Variants in ANTXR1 observed in about 807,000 individuals in gnomAD.
ANTXR1 encodes the protein ANTXR cell adhesion molecule 1.
A neutral mutation model predicts 78.1 loss-of-function variants in ANTXR1; 19 were observed. That is an observed-to-expected ratio of 0.24 (90% CI 0.17 to 0.36). The LOEUF (loss-of-function observed/expected upper bound fraction) is 0.36, where lower values mean the gene tolerates loss of function less well. ANTXR1 is among the 10% of genes least tolerant of loss of function. The pLI is 1.00. For missense variants in ANTXR1, 518 were observed against 718.6 expected (o/e 0.72, Z 3.19); for synonymous variants, 273 against 260.5 (o/e 1.05, Z -0.46).
chr2:69,043,070 G>A (rs1227080239), intron 2 of ANTXR1, among the ~76,000 whole-genome samples: 2 of 152,136 alleles, frequency 1.3e-5, no homozygotes, highest in African/African-American at 2.4e-5. Context: ...GTTGCCTCTT[G>A]GAGACCTTTA....
chr2:69,075,691 T>C (rs1402192048), intron 7 of ANTXR1, 33 bp downstream of exon 7: 4 of 1,590,104 alleles, frequency 2.5e-6, no homozygotes, highest in East Asian at 2.2e-5. Context: ...GTTTGGAGCA[T>C]ACTGAGCTTG....
At chr2:69,110,629 C>T (rs1440933902) in intron 10 of ANTXR1, among the ~76,000 whole-genome samples, 6 of 152,058 alleles carry the variant, frequency 3.9e-5, no homozygotes, top group Admixed American at 6.6e-5. Context: ...GAGGCGGAGG[C>T]GGGCGGATCA....
At chr2:69,145,159 G>A (rs956161537) in intron 12 of ANTXR1, among the ~76,000 whole-genome samples, 1 of 152,212 alleles carries the variant, frequency 6.6e-6, no homozygotes, top group Admixed American at 6.5e-5. Flanking sequence ...ATGGCAGGCA[G>A]GGGGCCTGTC....
intron 17 of ANTXR1, among the ~76,000 whole-genome samples, chr2:69,221,709 G>C (rs1317175980): frequency 2.0e-5 from 3 of 151,380 alleles, no homozygotes; most frequent in African/African-American, 4.9e-5. Context: ...AATTCCTGTT[G>C]CATCACCTCA....
At chr2:69,233,355 T>G (rs921544323) in intron 17 of ANTXR1, among the ~76,000 whole-genome samples, 13 of 151,726 alleles carry the variant, frequency 8.6e-5, no homozygotes, top group Admixed American at 2.0e-4. Context: ...GGTGCAAAAA[T>G]CCTAAATCAA....
intron 8 of ANTXR1, among the ~76,000 whole-genome samples, chr2:69,080,432 A>G (rs994732392): frequency 3.9e-5 from 6 of 152,218 alleles, no homozygotes; most frequent in African/African-American, 1.4e-4. Flanking sequence ...CCAAAATAAG[A>G]TTGCAGAGCA....
At chr2:69,060,766 G>A (rs967003594) in intron 3 of ANTXR1, among the ~76,000 whole-genome samples, 1 of 152,086 alleles carries the variant, frequency 6.6e-6, no homozygotes, top group Non-Finnish European at 1.5e-5. Flanking sequence ...GCAGAGTTGT[G>A]GAGACAAAAG....
At chr2:69,069,281 G>A (rs980139576) in intron 3 of ANTXR1, among the ~76,000 whole-genome samples, 24 of 152,154 alleles carry the variant, frequency 1.6e-4, no homozygotes, top group Non-Finnish European at 2.2e-4. Context: ...TAAGAACAGG[G>A]CCTCTGGGAT....
chr2:69,117,015 A>G (rs547796849), intron 10 of ANTXR1, among the ~76,000 whole-genome samples: 1 of 152,316 alleles, frequency 6.6e-6, no homozygotes, highest in South Asian at 2.1e-4. Flanking sequence ...ACCTGTAAAT[A>G]TACACTTATG....
At chr2:69,111,309 T>G in intron 10 of ANTXR1, among the ~76,000 whole-genome samples, 1 of 152,322 alleles carries the variant, frequency 6.6e-6, no homozygotes, top group East Asian at 1.9e-4. Context: ...GGAGATCCAC[T>G]TTCAGAGAGA....
At chr2:69,027,818 A>G (rs1329294910) in intron 1 of ANTXR1, among the ~76,000 whole-genome samples, 1 of 152,038 alleles carries the variant, frequency 6.6e-6, no homozygotes, top group Non-Finnish European at 1.5e-5. Flanking sequence ...CAGTAGCAAA[A>G]AAAAAAAAAA....
At chr2:69,150,083 G>A (rs1372208163) in intron 12 of ANTXR1, among the ~76,000 whole-genome samples, 1 of 152,232 alleles carries the variant, frequency 6.6e-6, no homozygotes, top group Non-Finnish European at 1.5e-5. Flanking sequence ...CTAGGGACCA[G>A]AGGTGTTTAG....
At chr2:69,125,597 T>G (rs1460139794) in intron 12 of ANTXR1, among the ~76,000 whole-genome samples, 1 of 152,200 alleles carries the variant, frequency 6.6e-6, no homozygotes, top group Non-Finnish European at 1.5e-5. Flanking sequence ...TCCCAGCACT[T>G]TGGGAGGCTG....
intron 3 of ANTXR1, among the ~76,000 whole-genome samples, chr2:69,064,358 T>C (rs1236966399): frequency 1.3e-5 from 2 of 152,188 alleles, no homozygotes; most frequent in Admixed American, 6.6e-5. Context: ...CCTTCTCAAG[T>C]AGTTGAAAAG....
At chr2:69,236,809 G>C (rs1382705002) in intron 17 of ANTXR1, among the ~76,000 whole-genome samples, 1 of 152,188 alleles carries the variant, frequency 6.6e-6, no homozygotes, top group Non-Finnish European at 1.5e-5. Context: ...TGCAACCATT[G>C]AAAATGACAG....
At chr2:69,062,831 G>A (rs1317057025) in intron 3 of ANTXR1, among the ~76,000 whole-genome samples, 1 of 151,904 alleles carries the variant, frequency 6.6e-6, no homozygotes, top group Non-Finnish European at 1.5e-5. Context: ...TAATTTACAG[G>A]AAAAGGTGAA....
chr2:69,235,433 T>A (rs1316504954), intron 17 of ANTXR1, among the ~76,000 whole-genome samples: 1 of 151,944 alleles, frequency 6.6e-6, no homozygotes, highest in Non-Finnish European at 1.5e-5. Flanking sequence ...GTAGACCATC[T>A]GAGCTCAGGA....
At chr2:69,125,762 G>A (rs1001415678) in intron 12 of ANTXR1, among the ~76,000 whole-genome samples, 2 of 152,030 alleles carry the variant, frequency 1.3e-5, no homozygotes, top group Non-Finnish European at 2.9e-5. Context: ...GATGGCTTGA[G>A]CCCGAGAGGT....
At chr2:69,103,567 A>C (rs977809491) in intron 10 of ANTXR1, 1 of 158,306 alleles carries the variant, frequency 6.3e-6, no homozygotes, top group Non-Finnish European at 1.4e-5. Flanking sequence ...AGTGCATTTC[A>C]TGAGAAAAAA....
Sources: allele counts gnomAD v4.1 joint callset (sites outside exome capture counted in the v4.1 genomes callset), GRCh38; gene constraint gnomAD v4.1.1; transcripts MANE v1.5; gene names NCBI Gene and HGNC (gene_info 2026-07-23, HGNC 2026-07-21).